CPVL: variants seen among roughly 807,000 people sequenced by gnomAD.
CPVL encodes the protein probable serine carboxypeptidase CPVL.
CPVL carries 51 observed loss-of-function variants against 63.7 expected under a neutral mutation model. The ratio of observed to expected loss-of-function variants is 0.80; its 90% confidence interval spans 0.64 to 1.01. The LOEUF (loss-of-function observed/expected upper bound fraction) is 1.01, where lower values mean the gene tolerates loss of function less well. Among genes scored for constraint, CPVL ranks in the 50% least tolerant of loss-of-function variants. The pLI is 0.00. For missense variants in CPVL, 530 were observed against 573.1 expected (o/e 0.92, Z 0.77); for synonymous variants, 195 against 206.0 (o/e 0.95, Z 0.46).
At chr7:29,042,573 C>G (rs762498159) in intron 11 of CPVL, among the ~76,000 whole-genome samples, 1 of 152,106 alleles carries the variant, frequency 6.6e-6, no homozygotes, top group Non-Finnish European at 1.5e-5. Flanking sequence ...ACACTGCACT[C>G]TAGCCTGGGC....
intron 6 of CPVL, among the ~76,000 whole-genome samples, chr7:29,089,787 G>T (rs962011004): frequency 5.3e-5 from 8 of 152,104 alleles, no homozygotes; most frequent in African/African-American, 1.9e-4. Context: ...AGCCCTGCAG[G>T]AGCAGACACG....
chr7:29,016,511 G>T (rs993456891), intron 12 of CPVL, among the ~76,000 whole-genome samples: 1 of 152,064 alleles, frequency 6.6e-6, no homozygotes, highest in African/African-American at 2.4e-5. Flanking sequence ...TCAGGGTGGC[G>T]TGCTCCTTCC....
chr7:29,012,158 C>T (rs1346803149), intron 12 of CPVL: 1 of 148,824 alleles, frequency 6.7e-6, no homozygotes, highest in African/African-American at 2.5e-5. Context: ...AATAAGACTT[C>T]ACAGTCTAAA....
chr7:29,096,513 GA>G, intron 3 of CPVL: 1 of 458,218 alleles, frequency 2.2e-6, no homozygotes, highest in South Asian at 3.9e-5. Flanking sequence ...CATGCTGCCA[GA>G]CATCTAGCAT....
At chr7:29,040,754 G>C (rs747914003) in intron 11 of CPVL, among the ~76,000 whole-genome samples, 5 of 152,178 alleles carry the variant, frequency 3.3e-5, no homozygotes, top group Non-Finnish European at 7.4e-5. Flanking sequence ...CAGCAAGTTT[G>C]AGTCAGTGTC....
chr7:29,074,518 C>A (rs1472715802), intron 7 of CPVL, among the ~76,000 whole-genome samples: 1 of 152,120 alleles, frequency 6.6e-6, no homozygotes, highest in East Asian at 1.9e-4. Flanking sequence ...GTTTATTGGG[C>A]AATTCTTCTG....
chr7:29,069,440 CAAAAAA>C (rs34421309), intron 9 of CPVL, among the ~76,000 whole-genome samples: 3 of 81,208 alleles, frequency 3.7e-5, no homozygotes, highest in Non-Finnish European at 5.2e-5. Flanking sequence ...GACTCCGTCT[CAAAAAA>C]AAAAAAAAAA....
intron 5 of CPVL, among the ~76,000 whole-genome samples, chr7:29,172,133 G>A (rs1796685413): frequency 6.6e-6 from 1 of 152,116 alleles, no homozygotes; most frequent in African/African-American, 2.4e-5. Flanking sequence ...AAGGAACCCA[G>A]GGAGTACCTA....
At position 29,145,709 on chromosome 7, in the gene CPVL, C is replaced by T. The variant is rs554270513; in HGVS notation, c.-11+720G>A. On this transcript the variant is annotated intron_variant, in intron 1 of 12. Transcript: ENST00000265394. ...TAAAACAATTCTTTAAAAAGAAAAACTTATTATCTCCATCTTTCAGATGGA... is the reference window on the plus strand; with the variant it reads ...TAAAACAATTCTTTAAAAAGAAAAATTTATTATCTCCATCTTTCAGATGGA... The T allele has an allele frequency of 3.9e-5, 6 of 152,162 alleles. No individual in the cohort carries two copies. The South Asian group carries it at 1.0e-3, about 26-fold the overall frequency. The allele number at this position is 152,162 out of a possible 1,614,324, so 9.4% of individuals were successfully genotyped here. A position where few individuals can be genotyped will look rare whatever the true frequency, so the allele number is the denominator to read the frequency against.
chr7:29,098,129 A>G (rs1037495191), intron 3 of CPVL, among the ~76,000 whole-genome samples: 5 of 152,154 alleles, frequency 3.3e-5, no homozygotes, highest in Non-Finnish European at 5.9e-5. Context: ...GCCTGGCTAT[A>G]CAGACAAATC....
At chr7:29,013,064 G>A (rs1200112852) in intron 12 of CPVL, 1 of 152,238 alleles carries the variant, frequency 6.6e-6, no homozygotes, top group Non-Finnish European at 1.5e-5. Context: ...GAATGAAATG[G>A]AAATAATGTT....
rs762748924 is a variant in CPVL, at chr7:29,034,722, T to C, written c.1138-3963A>G. 5.3e-5 allele frequency among the ~76,000 whole-genome samples: 8 copies of C among 152,212 alleles called. No homozygotes were observed. In the South Asian group the frequency reaches 8.3e-4, roughly 16 times the overall value. On this transcript the variant is annotated intron_variant, in intron 11 of 12. Transcript: ENST00000265394. Reference sequence around the variant, plus strand: ...GACTGGCTATTTTTCGTATTTTTGGTAGAGACAGGGTATCACCATGTTGCC... The same window carrying C: ...GACTGGCTATTTTTCGTATTTTTGGCAGAGACAGGGTATCACCATGTTGCC...
chr7:29,121,643 T>C (rs756670465), intron 1 of CPVL, among the ~76,000 whole-genome samples: 8 of 152,102 alleles, frequency 5.3e-5, no homozygotes, highest in Non-Finnish European at 1.0e-4. Flanking sequence ...AAGTTGGATA[T>C]GGATAAAAGG....
At chr7:29,101,581 C>A (rs190931052) in intron 3 of CPVL, among the ~76,000 whole-genome samples, 279 of 152,174 alleles carry the variant, frequency 1.8e-3, no homozygotes, top group African/African-American at 6.4e-3. Context: ...GGCGACAGAG[C>A]GAGACTCCGT....
At chr7:29,102,005 TACA>T (rs1787192316) in intron 3 of CPVL, among the ~76,000 whole-genome samples, 1 of 152,190 alleles carries the variant, frequency 6.6e-6, no homozygotes, top group South Asian at 2.1e-4. Context: ...TCATTTAACA[TACA>T]ACGCCAACTA....
At chr7:29,049,737 C>A (rs1789965984) in intron 11 of CPVL, among the ~76,000 whole-genome samples, 3 of 152,040 alleles carry the variant, frequency 2.0e-5, no homozygotes, top group African/African-American at 7.2e-5. Context: ...GACTGATATA[C>A]CTGATGAACA....
intron 12 of CPVL, among the ~76,000 whole-genome samples, chr7:29,007,945 G>A (rs1785369704): frequency 6.6e-6 from 1 of 152,162 alleles, no homozygotes; most frequent in Non-Finnish European, 1.5e-5. Flanking sequence ...ATCGAGTAGA[G>A]GAGGAAGGCA....
At chr7:29,156,937 A>G (rs1794457551) in intron 5 of CPVL, among the ~76,000 whole-genome samples, 1 of 152,210 alleles carries the variant, frequency 6.6e-6, no homozygotes, top group African/African-American at 2.4e-5. Context: ...AAGAAAAGAC[A>G]TCTAACAAAC....
intron 1 of CPVL, among the ~76,000 whole-genome samples, chr7:29,131,223 T>C (rs2128657909): frequency 6.6e-6 from 1 of 152,316 alleles, no homozygotes; most frequent in East Asian, 1.9e-4. Flanking sequence ...TCCTTTCTAT[T>C]GCCTACTATA....
Sources: gnomAD v4.1 joint callset for allele counts (sites outside exome capture counted in the v4.1 genomes callset) on GRCh38, gnomAD v4.1.1 for gene constraint, MANE v1.5 for transcripts, NCBI Gene and HGNC (gene_info 2026-07-23, HGNC 2026-07-21) for gene names.